The following TMEM74 variants were observed in gnomAD, a reference collection of about 807,000 sequenced individuals.
The protein encoded by TMEM74 is transmembrane protein 74.
In TMEM74, 13 loss-of-function variants were observed where a neutral mutation model predicts 18.1. The observed-to-expected ratio is 0.72, with a 90% CI of 0.47 to 1.14. The LOEUF is 1.14. Ranked by LOEUF, TMEM74 falls within the 50% of genes most tolerant of loss-of-function variation. TMEM74 has a pLI of 0.00. For synonymous variants in TMEM74, 159 were observed against 146.6 expected (o/e 1.08, Z -0.61); for missense variants, 372 against 375.9 (o/e 0.99, Z 0.09).
In TMEM74 at chr8:108,779,847, A is replaced by G. The variant is rs1340551354; in HGVS notation, c.*4334T>C. Among the ~76,000 whole-genome samples, 4 of 152,210 alleles carry G rather than the reference A, an allele frequency of 2.6e-5. No homozygotes were observed. Among genetic ancestry groups the G allele is most frequent in the Non-Finnish European group, 5.9e-5 (4 of 68,018 alleles). ...GCCACAGATTCTTGAAATTAGTTTTATGTGTTTAAAATAACGTCTTGCTTT... is the reference window on the plus strand; with the variant it reads ...GCCACAGATTCTTGAAATTAGTTTTGTGTGTTTAAAATAACGTCTTGCTTT... On this transcript the variant is annotated 3_prime_UTR_variant, in exon 2 of 2. Coordinates refer to ENST00000297459, the MANE Select transcript of TMEM74 (RefSeq NM_153015.3).
rs890521997 is a variant in TMEM74 at position 108,749,768 on chromosome 8, G to T, written n.119+37708C>A. On this transcript the variant is annotated intron_variant and non_coding_transcript_variant, in intron 1 of 3. Coordinates refer to the TMEM74 transcript ENST00000518838. ...TGAGAAGCACACTTCTCAATGTGGG[G>T]CTACATCACATGTGCCCATGATCTG... Among the ~76,000 whole-genome samples, 4 of 152,186 alleles carry T rather than the reference G, an allele frequency of 2.6e-5. No individual in the cohort carries two copies. The South Asian group carries it at 6.2e-4, about 24-fold the overall frequency.
At chr8:108,727,645 G>C (rs1325375349) in intron 1 of TMEM74, among the ~76,000 whole-genome samples, 1 of 152,134 alleles carries the variant, frequency 6.6e-6, no homozygotes, top group Admixed American at 6.5e-5. Context: ...AGTTTGATAT[G>C]AGCCAGAAGC....
At chr8:108,679,575 G>C (rs867999650) in intron 1 of TMEM74, among the ~76,000 whole-genome samples, 1 of 152,086 alleles carries the variant, frequency 6.6e-6, no homozygotes, top group African/African-American at 2.4e-5. Flanking sequence ...CATATCCTTC[G>C]CCCACTTTTT....
At chr8:108,726,412 T>C (rs1813638890) in intron 1 of TMEM74, among the ~76,000 whole-genome samples, 1 of 152,174 alleles carries the variant, frequency 6.6e-6, no homozygotes, top group South Asian at 2.1e-4. Flanking sequence ...AATTTAAGAT[T>C]GCAAAATATT....
At chr8:108,654,283 G>C (rs1013642874) in intron 2 of TMEM74, among the ~76,000 whole-genome samples, 1 of 152,082 alleles carries the variant, frequency 6.6e-6, no homozygotes, top group Non-Finnish European at 1.5e-5. Context: ...TTACTAGCTG[G>C]ATAACCTTGG....
intron 2 of TMEM74, among the ~76,000 whole-genome samples, chr8:108,612,730 C>T (rs1415810964): frequency 1.3e-5 from 2 of 152,158 alleles, no homozygotes; most frequent in Non-Finnish European, 2.9e-5. Flanking sequence ...TCAGCTCTCT[C>T]GTTTTAAGAT....
Position 108,784,802 on chromosome 8 carries a change from G to A in TMEM74, c.297C>T (p.Val99=). The part of the protein sequence containing the change: ...GNNQITAERK[V]CNCCSQELET... Reference sequence around the variant, plus strand: ...CTAATTCCTGGCTGCAGCAGTTACAGACTTTCCGTTCCGCTGTTATTTGGT... The same window carrying A: ...CTAATTCCTGGCTGCAGCAGTTACAAACTTTCCGTTCCGCTGTTATTTGGT... The change falls in exon 2 of 2, where the codon GTC becomes GTT. Residue 99 remains valine (V), a synonymous_variant. Transcript: ENST00000297459. 6.2e-7 allele frequency: 1 copy of A among 1,614,210 alleles called. No homozygotes were observed. The highest frequency in any genetic ancestry group is 8.5e-7 in the Non-Finnish European group (1 of 1,180,048).
At chr8:108,642,205 C>T (rs1388775394) in intron 2 of TMEM74, among the ~76,000 whole-genome samples, 1 of 151,896 alleles carries the variant, frequency 6.6e-6, no homozygotes, top group Non-Finnish European at 1.5e-5. Context: ...TTGAGACCAG[C>T]CTGGGCAACA....
intron 1 of TMEM74, among the ~76,000 whole-genome samples, chr8:108,702,281 G>A (rs1310578685): frequency 6.7e-6 from 1 of 149,588 alleles, no homozygotes. Flanking sequence ...GGAGGCGGAG[G>A]TTGCAGTGAG....
chr8:108,756,909 G>T lies in TMEM74; in HGVS notation n.119+30567C>A, dbSNP rs150191872. ...TGAGTCCATACACATTGCAGGAACTGCAAGAATGAAGTTGAACCAGGGAAA... is the reference window on the plus strand; with the variant it reads ...TGAGTCCATACACATTGCAGGAACTTCAAGAATGAAGTTGAACCAGGGAAA... On this transcript the variant is annotated intron_variant and non_coding_transcript_variant, in intron 1 of 3. Transcript: ENST00000518838. 5.4e-3 allele frequency among the ~76,000 whole-genome samples: 817 copies of T among 152,160 alleles called. 10 individuals carry two copies. Among genetic ancestry groups the T allele is most frequent in the African/African-American group, 0.018 (749 of 41,522 alleles).
intron 1 of TMEM74, among the ~76,000 whole-genome samples, chr8:108,786,031 G>A (rs756621503): frequency 2.0e-5 from 3 of 152,118 alleles, no homozygotes; most frequent in Non-Finnish European, 2.9e-5. Flanking sequence ...CTCCCTCTCT[G>A]CATGCTTTGC....
chr8:108,647,791 C>G (rs916614475), intron 2 of TMEM74, among the ~76,000 whole-genome samples: 1 of 152,034 alleles, frequency 6.6e-6, no homozygotes, highest in African/African-American at 2.4e-5. Context: ...AGAAGATAAA[C>G]AGGTGATTTC....
chr8:108,616,453 A>T (rs954099840), intron 2 of TMEM74, among the ~76,000 whole-genome samples: 4 of 152,200 alleles, frequency 2.6e-5, no homozygotes, highest in African/African-American at 9.6e-5. Flanking sequence ...TTATTTTATT[A>T]GATGATTTTT....
chr8:108,642,338 G>T (rs774103751), intron 2 of TMEM74, among the ~76,000 whole-genome samples: 5 of 148,930 alleles, frequency 3.4e-5, no homozygotes, highest in Non-Finnish European at 7.4e-5. Context: ...GGCGGAGGTT[G>T]CAGTCAGCCG....
In TMEM74 at chr8:108,615,604, T is replaced by A. The variant is rs192469282; in HGVS notation, n.265-6778A>T. Reference sequence around the variant, plus strand: ...TGTGCAAGACATTTATTAGGAAGCATCCTGGAGATCAATACCGGTGGAAGG... The same window carrying A: ...TGTGCAAGACATTTATTAGGAAGCAACCTGGAGATCAATACCGGTGGAAGG... On this transcript the variant is annotated intron_variant and non_coding_transcript_variant, in intron 2 of 3. Transcript: ENST00000518838. Among the ~76,000 whole-genome samples, 896 of 152,144 alleles carry A rather than the reference T, an allele frequency of 5.9e-3. 14 individuals are homozygous for A. Among genetic ancestry groups the A allele is most frequent in the African/African-American group, 0.021 (857 of 41,510 alleles).
chr8:108,722,695 G>T (rs1299405796), intron 1 of TMEM74, among the ~76,000 whole-genome samples: 2 of 152,058 alleles, frequency 1.3e-5, no homozygotes, highest in South Asian at 4.1e-4. Flanking sequence ...TATGTATGAT[G>T]CTAATTTGCA....
chr8:108,653,141 GT>G, intron 2 of TMEM74: 1 of 162,554 alleles, frequency 6.2e-6, no homozygotes, highest in South Asian at 1.7e-4. Flanking sequence ...CAGCCCACTT[GT>G]CTGTCATTCC....
Position 108,727,009 on chromosome 8 carries a change from G to A in TMEM74, n.119+60467C>T, listed in dbSNP as rs556680055. ...TGAATTATACAAATAGGCAATTGGGGGAATAGCATTTCAGGGGAAGAAAAT... is the reference window on the plus strand; with the variant it reads ...TGAATTATACAAATAGGCAATTGGGAGAATAGCATTTCAGGGGAAGAAAAT... On this transcript the variant is annotated intron_variant and non_coding_transcript_variant, in intron 1 of 3. Transcript: ENST00000518838. 2.6e-5 allele frequency among the ~76,000 whole-genome samples: 4 copies of A among 152,166 alleles called. No homozygotes were observed. In the East Asian group the frequency reaches 7.7e-4, roughly 29 times the overall value.
Position 108,779,059 on chromosome 8 carries a change from A to G in TMEM74, c.*5122T>C, listed in dbSNP as rs935638117. On this transcript the variant is annotated 3_prime_UTR_variant, in exon 2 of 2. Transcript: ENST00000297459. ...GACCAAATCAGCATTACAGATTCCA[A>G]TTTAAATTAAGCTTAATAAACACAA... is the stretch of plus-strand genomic sequence containing the variant. Among the ~76,000 whole-genome samples, 1 of 152,198 alleles carries G rather than the reference A, an allele frequency of 6.6e-6. No individual in the cohort carries two copies. Among genetic ancestry groups the G allele is most frequent in the African/African-American group, 2.4e-5 (1 of 41,460 alleles).
Sources: allele counts gnomAD v4.1 joint callset (sites outside exome capture counted in the v4.1 genomes callset), GRCh38; gene constraint gnomAD v4.1.1; transcripts MANE v1.5; gene names NCBI Gene and HGNC (gene_info 2026-07-23, HGNC 2026-07-21).